Variants in TIAM2 observed in about 807,000 individuals in gnomAD.
TIAM2 encodes the protein TIAM Rac1 associated GEF 2, also known as rho guanine nucleotide exchange factor TIAM2.
TIAM2 carries 80 observed loss-of-function variants against 152.9 expected under a neutral mutation model. That is an observed-to-expected ratio of 0.52 (90% confidence interval 0.44 to 0.63). TIAM2 has a LOEUF of 0.63. Ranked by LOEUF, TIAM2 falls within the 30% of genes least tolerant of loss-of-function variation. The pLI, the probability that TIAM2 is intolerant of heterozygous loss-of-function variation, is 0.00. For missense variants in TIAM2, 1,965 were observed against 2,120.1 expected (o/e 0.93, Z 1.44); for synonymous variants, 804 against 838.0 (o/e 0.96, Z 0.70).
rs147236390 is a variant in TIAM2 at position 155,174,531 on chromosome 6, C to T, written c.2362-2285C>T. Among the ~76,000 whole-genome samples the T allele has an allele frequency of 5.2e-3, 784 of 152,190 alleles. 11 individuals are homozygous for T. Among genetic ancestry groups the T allele is most frequent in the African/African-American group, 0.018 (738 of 41,534 alleles). ...GGCTACAGACGCGTGCCACCATGCC[C>T]GGATAATTTTTATTTTTAGTAGAGA... On this transcript the variant is annotated intron_variant, in intron 9 of 26. Transcript: ENST00000682666. The surrounding 1 kb of genome is among the most constrained non-coding windows in gnomAD (Gnocchi z 4.2).
At chr6:155,241,574 A>G (rs1260497287) in intron 16 of TIAM2, among the ~76,000 whole-genome samples, 4 of 152,118 alleles carry the variant, frequency 2.6e-5, no homozygotes, top group Non-Finnish European at 2.9e-5. Context: ...ACGTGCGGCT[A>G]TTACCTTGCT....
At chr6:155,191,731 G>T (rs563483475) in intron 14 of TIAM2, among the ~76,000 whole-genome samples, 3 of 152,068 alleles carry the variant, frequency 2.0e-5, no homozygotes, top group Non-Finnish European at 1.5e-5. Context: ...GGAGGTGGAG[G>T]TTGTAGTGAG....
chr6:155,217,068 CT>C (rs1781878417), intron 15 of TIAM2: 1 of 1,289,428 alleles, frequency 7.8e-7, no homozygotes, highest in South Asian at 1.2e-5. Flanking sequence ...TTTCTTTGAA[CT>C]TTTCCTTTTT....
chr6:155,164,429 G>A lies in TIAM2; in HGVS notation c.2043G>A (p.Glu681=), dbSNP rs1352884239. The change falls in exon 8 of 27, where the codon GAG becomes GAA. Residue 681 remains glutamate (E), a synonymous_variant. Coordinates refer to ENST00000682666, the MANE Select transcript of TIAM2 (RefSeq NM_012454.4). ...KAIENQIQQW[E]QNLEKFHMDL... is the part of the protein sequence containing the mutation. ...TTTGCTTTAAGATCCAGCAATGGGA[G>A]CAGAATCTTGAGAAATTTCACATGG... 4 of 1,594,296 alleles carry A rather than the reference G, an allele frequency of 2.5e-6. No individual in the cohort carries two copies. In the Admixed American group the frequency reaches 6.7e-5, roughly 27 times the overall value.
intron 10 of TIAM2, among the ~76,000 whole-genome samples, chr6:155,178,506 A>G (rs1227338874): frequency 1.3e-5 from 2 of 152,122 alleles, no homozygotes; most frequent in African/African-American, 2.4e-5. Flanking sequence ...ATCATAAGCA[A>G]TATTGTTCAG....
At position 155,218,892 on chromosome 6, in the gene TIAM2, C is replaced by T. The variant is rs112357996; in HGVS notation, c.3168+7585C>T. Among the ~76,000 whole-genome samples, 16,324 of 139,282 alleles carry T rather than the reference C, an allele frequency of 0.12. 1,107 individuals are homozygous for T. The highest frequency in any genetic ancestry group is 0.33 in the East Asian group (1,455 of 4,424). The allele number at this position is 139,282 out of a possible 152,430, so 91.4% of individuals were successfully genotyped here. Reference sequence around the variant, plus strand: ...CACCCGTGTTCTTGACCATCTCAGCCGCCCACCCGTGTTCTTGACCATCTC... The same window carrying T: ...CACCCGTGTTCTTGACCATCTCAGCTGCCCACCCGTGTTCTTGACCATCTC... On this transcript the variant is annotated intron_variant, in intron 15 of 26. Transcript: ENST00000682666. This position sits in a 1 kb window ranked among gnomAD's most constrained non-coding sequence, Gnocchi z 4.5.
At chr6:155,015,408 G>T (rs979180130) in intron 1 of TIAM2, among the ~76,000 whole-genome samples, 1 of 152,110 alleles carries the variant, frequency 6.6e-6, no homozygotes, top group African/African-American at 2.4e-5. Context: ...GGTCTGGGCT[G>T]GGTATGTAGA....
At chr6:155,102,827 C>T (rs1335056913) in intron 2 of TIAM2, among the ~76,000 whole-genome samples, 1 of 149,768 alleles carries the variant, frequency 6.7e-6, no homozygotes. Context: ...ATATTTTCCT[C>T]CCAACATTTT....
chr6:155,168,890 C>T lies in TIAM2; in HGVS notation c.2361+3481C>T, dbSNP rs148249834. 2.6e-6 allele frequency: 4 copies of T among 1,535,642 alleles called. No individual in the cohort carries two copies. The Admixed American group carries it at 5.9e-5, about 23-fold the overall frequency. ...CCATGGATTTTCTGGAACTCAGCTACCTCAAAACTCCAGTAACTCCAGTGA... is the reference window on the plus strand; with the variant it reads ...CCATGGATTTTCTGGAACTCAGCTATCTCAAAACTCCAGTAACTCCAGTGA... On this transcript the variant is annotated intron_variant, in intron 9 of 26. Coordinates refer to ENST00000682666, the MANE Select transcript of TIAM2 (RefSeq NM_012454.4).
intron 2 of TIAM2, among the ~76,000 whole-genome samples, chr6:155,097,743 C>G (rs1778449126): frequency 6.6e-6 from 1 of 152,206 alleles, no homozygotes; most frequent in Admixed American, 6.5e-5. Flanking sequence ...GACCAATGTC[C>G]TGAAGCATTT....
At chr6:155,221,107 CTT>C (rs1222349797) in intron 15 of TIAM2, among the ~76,000 whole-genome samples, 1 of 65,434 alleles carries the variant, frequency 1.5e-5, no homozygotes, top group African/African-American at 5.4e-5. Context: ...TCTCTTTCAT[CTT>C]GTTTTTTTTT....
Position 155,256,640 on chromosome 6 carries a change from A to C in TIAM2, c.4625A>C (p.Lys1542Thr). The C allele has an allele frequency of 6.2e-7, 1 of 1,614,230 alleles. No homozygotes were observed. The highest frequency in any genetic ancestry group is 8.5e-7 in the Non-Finnish European group (1 of 1,180,048). ...CPTAEGRQDS[K>T]STSPGKYPHP... ...ACGGCTGAGGGCAGGCAGGACTCCA[A>C]GAGCACTTCTCCCGGGAAATACCCA... The change falls in exon 27 of 27, where the codon AAG (lysine) becomes ACG (threonine). Residue 1542 changes from lysine (K) to threonine (T), a missense_variant. Coordinates refer to ENST00000682666, the MANE Select transcript of TIAM2 (RefSeq NM_012454.4).
chr6:155,025,800 CAT>C (rs891375163), intron 1 of TIAM2, among the ~76,000 whole-genome samples: 2 of 149,176 alleles, frequency 1.3e-5, no homozygotes, highest in African/African-American at 2.5e-5. Flanking sequence ...CATAAAAACA[CAT>C]GTGAGCACCT....
chr6:155,125,800 T>TCCAG (rs1779281364), intron 2 of TIAM2, among the ~76,000 whole-genome samples: 1 of 151,376 alleles, frequency 6.6e-6, no homozygotes, highest in African/African-American at 2.4e-5. Flanking sequence ...ATTGTGCCAC[T>TCCAG]GCACTCCAGC....
chr6:155,049,354 C>T (rs1331408049), intron 1 of TIAM2, among the ~76,000 whole-genome samples: 1 of 152,098 alleles, frequency 6.6e-6, no homozygotes, highest in African/African-American at 2.4e-5. Context: ...TCACAGAAGG[C>T]TGGTTCTGCA....
intron 2 of TIAM2, among the ~76,000 whole-genome samples, chr6:155,093,816 C>T (rs769455203): frequency 1.4e-4 from 22 of 152,196 alleles, no homozygotes; most frequent in Non-Finnish European, 3.1e-4. Flanking sequence ...AAATTCATGC[C>T]TGATTATCTG....
intron 23 of TIAM2, 156 bp from the exon 24 acceptor site, chr6:155,252,792 T>C (rs1783746957): frequency 3.3e-6 from 2 of 613,004 alleles, no homozygotes; most frequent in South Asian, 2.1e-5. Flanking sequence ...CTTTGAGAAC[T>C]GGGTGCGTAG....
At chr6:155,158,690 G>A (rs1004941813) in intron 7 of TIAM2, among the ~76,000 whole-genome samples, 1 of 151,726 alleles carries the variant, frequency 6.6e-6, no homozygotes, top group African/African-American at 2.4e-5. Flanking sequence ...ACATAGATGG[G>A]GCTACAGGTG....
At chr6:155,000,977 C>A (rs143337424) in intron 1 of TIAM2, among the ~76,000 whole-genome samples, 1 of 152,198 alleles carries the variant, frequency 6.6e-6, no homozygotes, top group East Asian at 1.9e-4. Context: ...GAGCGAGACC[C>A]CATCTCAAAC....
Sources: allele counts gnomAD v4.1 joint callset (sites outside exome capture counted in the v4.1 genomes callset), GRCh38; gene constraint gnomAD v4.1.1; non-coding constraint Gnocchi (gnomAD v3.1); transcripts MANE v1.5; gene names NCBI Gene and HGNC (gene_info 2026-07-23, HGNC 2026-07-21).